POLH: variants seen among roughly 807,000 people sequenced by gnomAD.
POLH encodes DNA polymerase eta transcript.
In POLH, 53 loss-of-function variants were observed where a neutral mutation model predicts 73.6. The observed-to-expected ratio is 0.72, with a 90% CI of 0.58 to 0.91. The LOEUF is 0.91. POLH is among the 40% of genes least tolerant of loss of function. The pLI, the probability that POLH is intolerant of heterozygous loss-of-function variation, is 0.00. For missense variants in POLH, 768 were observed against 865.4 expected (o/e 0.89, Z 1.41); for synonymous variants, 292 against 308.5 (o/e 0.95, Z 0.56).
intron 1 of POLH, chr6:43,578,577 C>A: frequency 3.6e-6 from 1 of 275,308 alleles, no homozygotes; most frequent in South Asian, 3.3e-5. Context: ...CGAGGAAATG[C>A]CACAGATTGG....
Position 43,619,327 on chromosome 6 carries a change from T to TGCACTCCA in POLH, c.*4773_*4780dup, listed in dbSNP as rs1276276607. On this transcript the variant is annotated 3_prime_UTR_variant, in exon 11 of 11. Coordinates refer to ENST00000372236, the MANE Select transcript of POLH (RefSeq NM_006502.3). ...CTGCAATAAGCCATGATTGTGCCGC[T>TGCACTCCA]GCACTCCAGCCTGGGTGACAGTCTG... Among the ~76,000 whole-genome samples, 1 of 128,578 alleles carries TGCACTCCA rather than the reference T, an allele frequency of 7.8e-6. No homozygotes were observed. The highest frequency in any genetic ancestry group is 2.4e-4 in the East Asian group (1 of 4,248). The allele number at this position is 128,578 out of a possible 152,430, so 84.4% of individuals were successfully genotyped here. A position where few individuals can be genotyped will look rare whatever the true frequency, so the allele number is the denominator to read the frequency against.
intron 2 of POLH, 36 bp from the exon 3 acceptor site, chr6:43,582,971 A>G (rs1561897496): frequency 6.3e-7 from 1 of 1,583,392 alleles, no homozygotes; most frequent in Non-Finnish European, 8.7e-7. Flanking sequence ...GTGATCATAT[A>G]ATATGTTTTC....
chr6:43,581,229 G>C lies in POLH; in HGVS notation c.-4-1087G>C, dbSNP rs1764154390. Among the ~76,000 whole-genome samples, 3 of 150,672 alleles carry C rather than the reference G, an allele frequency of 2.0e-5. No individual in the cohort carries two copies. In the South Asian group the frequency reaches 6.3e-4, roughly 32 times the overall value. ...ACCTCCCAGACGGGGTCTCGGCAGG[G>C]CAGAGGCGCTCCTCACATCCCAGAT... is the stretch of plus-strand genomic sequence containing the variant. On this transcript the variant is annotated intron_variant, in intron 1 of 10. Coordinates refer to ENST00000372236, the MANE Select transcript of POLH (RefSeq NM_006502.3).
intron 8 of POLH, 51 bp downstream of exon 8, chr6:43,604,789 G>A (rs1339152137): frequency 2.5e-6 from 4 of 1,601,788 alleles, no homozygotes; most frequent in Non-Finnish European, 3.4e-6. Context: ...GGGTCAGTGG[G>A]TAGGTTTTGG....
rs1304489754 is a variant in POLH at position 43,617,514 on chromosome 6, C to A, written c.*2957C>A. Among the ~76,000 whole-genome samples the A allele has an allele frequency of 6.6e-6, 1 of 151,992 alleles. No individual in the cohort carries two copies. Among genetic ancestry groups the A allele is most frequent in the Non-Finnish European group, 1.5e-5 (1 of 68,006 alleles). On this transcript the variant is annotated 3_prime_UTR_variant, in exon 11 of 11. Coordinates refer to ENST00000372236, the MANE Select transcript of POLH (RefSeq NM_006502.3). ...TGGTGACGCATGCGTGTAATCCCAG[C>A]TACTTAGGAGGCTGAGGCAGGAGAA... is the stretch of plus-strand genomic sequence containing the variant.
At chr6:43,589,797 A>G (rs1765236562) in intron 4 of POLH, among the ~76,000 whole-genome samples, 1 of 151,980 alleles carries the variant, frequency 6.6e-6, no homozygotes, top group South Asian at 2.1e-4. Flanking sequence ...AGCTAGAACT[A>G]CAAGTATGTG....
chr6:43,605,439 C>CTTT, intron 9 of POLH, 120 bp downstream of exon 9: 1 of 354,394 alleles, frequency 2.8e-6, no homozygotes, highest in Admixed American at 4.4e-5. Context: ...TATCCGTTTT[C>CTTT]TTTCTTTTTT....
At chr6:43,577,110 C>T (rs1466117876) in intron 1 of POLH, among the ~76,000 whole-genome samples, 3 of 152,176 alleles carry the variant, frequency 2.0e-5, no homozygotes, top group African/African-American at 2.4e-5. Context: ...ACCCGGGAGG[C>T]GGAGGTTCAG....
intron 1 of POLH, among the ~76,000 whole-genome samples, chr6:43,580,163 C>T (rs1190943530): frequency 5.4e-5 from 8 of 147,344 alleles, no homozygotes; most frequent in African/African-American, 1.3e-4. Context: ...CATCTTACAC[C>T]GCCCTTAATC....
chr6:43,602,303 T>C (rs900435497), intron 6 of POLH, among the ~76,000 whole-genome samples: 10 of 152,172 alleles, frequency 6.6e-5, no homozygotes, highest in African/African-American at 2.2e-4. Flanking sequence ...CAAGGACTTA[T>C]AATATTGTAG....
At chr6:43,609,563 G>T (rs1159097663) in intron 9 of POLH, among the ~76,000 whole-genome samples, 1 of 152,134 alleles carries the variant, frequency 6.6e-6, no homozygotes. Flanking sequence ...GCATTCAGAT[G>T]CTTCAGACTT....
At chr6:43,597,656 T>A in intron 4 of POLH, 40 bp from the exon 5 acceptor site, 1 of 1,560,848 alleles carries the variant, frequency 6.4e-7, no homozygotes, top group East Asian at 2.2e-5. Flanking sequence ...AAATAAATAA[T>A]TTTTTAAATG....
At chr6:43,585,218 A>G (rs879287362) in intron 3 of POLH, among the ~76,000 whole-genome samples, 3 of 152,146 alleles carry the variant, frequency 2.0e-5, no homozygotes, top group South Asian at 2.1e-4. Context: ...CGGAGCTTTC[A>G]TGCCCTCCCT....
rs1462004255 is a variant in POLH at position 43,618,602 on chromosome 6, GGT to G, written c.*4048_*4049del. On this transcript the variant is annotated 3_prime_UTR_variant, in exon 11 of 11. Transcript: ENST00000372236. ...GCTGGGTGAAGTGGGCCCAGAGAAT[GGT>G]GTACACATCCCTCCCATACATATAC... 1.3e-5 allele frequency among the ~76,000 whole-genome samples: 2 copies of G among 152,106 alleles called. No individual in the cohort carries two copies. Among genetic ancestry groups the G allele is most frequent in the Admixed American group, 1.3e-4 (2 of 15,258 alleles).
intron 5 of POLH, among the ~76,000 whole-genome samples, chr6:43,600,168 A>G (rs1344543322): frequency 6.6e-6 from 1 of 152,118 alleles, no homozygotes; most frequent in East Asian, 1.9e-4. Context: ...CAAAAAAAAA[A>G]AAAGAAAAAG....
chr6:43,606,126 A>G (rs1174697914), intron 9 of POLH, among the ~76,000 whole-genome samples: 1 of 152,108 alleles, frequency 6.6e-6, no homozygotes, highest in African/African-American at 2.4e-5. Flanking sequence ...GTAGCAAATT[A>G]ACGTATCTAT....
intron 4 of POLH, among the ~76,000 whole-genome samples, chr6:43,589,308 C>G (rs1765188661): frequency 6.6e-6 from 1 of 152,208 alleles, no homozygotes; most frequent in African/African-American, 2.4e-5. Context: ...TTGGTTGCTT[C>G]TAATGTCCTG....
rs540264717 is a variant in POLH at position 43,586,265 on chromosome 6, G to A, written c.273-1007G>A. The stretch of plus-strand genomic sequence containing the variant: ...AGGCCGAGGTGGGTGGATCACCTGA[G>A]GTCAGGAATTCGAGATCAGCCTGGC... On this transcript the variant is annotated intron_variant, in intron 3 of 10. Transcript: ENST00000372236. Among the ~76,000 whole-genome samples the A allele has an allele frequency of 2.0e-5, 3 of 152,076 alleles. No individual in the cohort carries two copies. The South Asian group carries it at 6.2e-4, about 32-fold the overall frequency.
rs773713236 is a variant in POLH at position 43,613,844 on chromosome 6, A to G, written c.1429A>G (p.Thr477Ala). The change falls in exon 11 of 11, where the codon ACC becomes GCC. Residue 477 changes from threonine (T) to alanine (A), a missense_variant. Thr to Ala is a moderately conservative substitution (Grantham distance 58, BLOSUM62 0). Coordinates refer to ENST00000372236, the MANE Select transcript of POLH (RefSeq NM_006502.3). ...AGCGGTGACAGCCACTAAGAAAGCAACCACGTCTCTGGAATCATTCTTCCA... is the reference window on the plus strand; with the variant it reads ...AGCGGTGACAGCCACTAAGAAAGCAGCCACGTCTCTGGAATCATTCTTCCA... ...GPAVTATKKA[T>A]TSLESFFQKA... 1 of 1,614,230 alleles carries G rather than the reference A, an allele frequency of 6.2e-7. No individual in the cohort carries two copies. The highest frequency in any genetic ancestry group is 1.7e-5 in the Admixed American group (1 of 60,024).
Sources: gnomAD v4.1 joint callset for allele counts (sites outside exome capture counted in the v4.1 genomes callset) on GRCh38, gnomAD v4.1.1 for gene constraint, MANE v1.5 for transcripts, NCBI Gene and HGNC (gene_info 2026-07-23, HGNC 2026-07-21) for gene names.